TTC1: variants seen among roughly 807,000 people sequenced by gnomAD.
The protein encoded by TTC1 is tetratricopeptide repeat domain 1.
TTC1 carries 31 observed loss-of-function variants against 37.6 expected under a neutral mutation model. The ratio of observed to expected loss-of-function variants is 0.82; its 90% CI spans 0.62 to 1.11. TTC1 has a LOEUF of 1.11. TTC1 is among the 50% of genes most tolerant of loss of function. The probability of loss-of-function intolerance (pLI) is 0.00; values close to 1 mark genes in which losing one functional copy is unlikely to be tolerated. For missense variants in TTC1, 351 were observed against 339.0 expected, an observed-to-expected ratio of 1.04 and a Z score of -0.28; for synonymous variants, 127 against 122.4, an observed-to-expected ratio of 1.04 and a Z score of -0.25.
chr5:160,054,429 C>T (rs1213371973), intron 7 of TTC1, among the ~76,000 whole-genome samples: 1 of 152,156 alleles, frequency 6.6e-6, no homozygotes, highest in African/African-American at 2.4e-5. Context: ...GCCTGGGCAA[C>T]ATGGCAAGAC....
At chr5:160,048,584 A>C (rs968139911) in intron 5 of TTC1, among the ~76,000 whole-genome samples, 2 of 152,244 alleles carry the variant, frequency 1.3e-5, no homozygotes, top group Non-Finnish European at 2.9e-5. Context: ...GATATTATGC[A>C]TCAACCACCT....
At chr5:160,056,258 A>G (rs1420268742) in intron 7 of TTC1, among the ~76,000 whole-genome samples, 1 of 152,190 alleles carries the variant, frequency 6.6e-6, no homozygotes, top group African/African-American at 2.4e-5. Flanking sequence ...TCTGGCACAC[A>G]TGTGGGCCTT....
chr5:160,028,936 A>AGG (rs1756859293), intron 2 of TTC1, among the ~76,000 whole-genome samples: 3 of 152,364 alleles, frequency 2.0e-5, no homozygotes, highest in African/African-American at 7.2e-5. Context: ...GACCATAAAC[A>AGG]GAAACAAGTT....
chr5:160,045,518 ACACTCTCTCTCTCT>A (rs1757210258), intron 5 of TTC1, among the ~76,000 whole-genome samples: 14 of 65,724 alleles, frequency 2.1e-4, no homozygotes, highest in African/African-American at 1.1e-3. Context: ...ACACACATAC[ACACTCTCTCTCTCT>A]CTCTCTCTCT....
chr5:160,049,771 G>C, intron 6 of TTC1, 109 bp downstream of exon 6: 1 of 1,052,524 alleles, frequency 9.5e-7, no homozygotes, highest in Admixed American at 3.4e-5. Context: ...CTGTGCTTTT[G>C]AGGAGCTTAT....
intron 3 of TTC1, 43 bp downstream of exon 3, chr5:160,035,243 C>G: frequency 1.3e-6 from 2 of 1,509,940 alleles, no homozygotes; most frequent in Non-Finnish European, 1.8e-6. Context: ...ATCTTGACTC[C>G]TCATCCTGTT....
chr5:160,010,257 CAAAA>C (rs397882520), intron 1 of TTC1, among the ~76,000 whole-genome samples: 1 of 50,318 alleles, frequency 2.0e-5, no homozygotes, highest in Non-Finnish European at 3.9e-5. Context: ...GATTAAGTCT[CAAAA>C]AAAAAAAAAA....
intron 5 of TTC1, among the ~76,000 whole-genome samples, chr5:160,045,407 A>G (rs905313030): frequency 6.6e-6 from 1 of 151,066 alleles, no homozygotes; most frequent in Admixed American, 6.6e-5. Flanking sequence ...TTACATTTAT[A>G]TCAATATGGT....
Position 160,054,108 on chromosome 5 carries a change from C to G in TTC1, c.745+2925C>G, listed in dbSNP as rs116565761. Among the ~76,000 whole-genome samples, 702 of 152,160 alleles carry G rather than the reference C, an allele frequency of 4.6e-3. 8 individuals carry two copies. Among genetic ancestry groups the G allele is most frequent in the African/African-American group, 0.016 (666 of 41,500 alleles). ...GTTTGTTTGTTTGTTTGGTCCTTTTCTCTGGGATAATTAGCCTCCCAGCCA... is the reference window on the plus strand; with the variant it reads ...GTTTGTTTGTTTGTTTGGTCCTTTTGTCTGGGATAATTAGCCTCCCAGCCA... On this transcript the variant is annotated intron_variant, in intron 7 of 7. Transcript: ENST00000231238.
At chr5:160,052,831 TC>T (rs1757439614) in intron 7 of TTC1, among the ~76,000 whole-genome samples, 1 of 152,208 alleles carries the variant, frequency 6.6e-6, no homozygotes, top group Non-Finnish European at 1.5e-5. Flanking sequence ...GTCATTCTCT[TC>T]ATTTGAAAAA....
intron 7 of TTC1, among the ~76,000 whole-genome samples, chr5:160,056,264 G>C (rs1166908451): frequency 6.6e-6 from 1 of 152,172 alleles, no homozygotes; most frequent in Non-Finnish European, 1.5e-5. Flanking sequence ...ACACATGTGG[G>C]CCTTGTTCAT....
chr5:160,028,895 AAAGAT>A lies in TTC1; in HGVS notation c.331-6244_331-6240del, dbSNP rs539430490. 3.1e-3 allele frequency among the ~76,000 whole-genome samples: 468 copies of A among 152,342 alleles called. 1 individual carries two copies. The highest frequency in any genetic ancestry group is 0.01 in the African/African-American group (425 of 41,570). On this transcript the variant is annotated intron_variant, in intron 2 of 7. Transcript: ENST00000231238. ...TTTTTTTAATTTTCAAAAAATCAGA[AAAGAT>A]GAGAAAAAAACTAAGCCTTAAAATT...
chr5:160,042,615 TAA>T (rs1757119103), intron 4 of TTC1, among the ~76,000 whole-genome samples: 1 of 152,236 alleles, frequency 6.6e-6, no homozygotes, highest in South Asian at 2.1e-4. Flanking sequence ...ATATTTTGTT[TAA>T]GAGTTGTGTA....
chr5:160,048,716 T>C (rs1173828199), intron 5 of TTC1, among the ~76,000 whole-genome samples: 1 of 152,206 alleles, frequency 6.6e-6, no homozygotes, highest in Non-Finnish European at 1.5e-5. Context: ...TTGGTTTCCC[T>C]TAACTCTTTA....
At chr5:160,010,962 GC>G in intron 2 of TTC1, 104 bp downstream of exon 2, 1 of 1,137,612 alleles carries the variant, frequency 8.8e-7, no homozygotes, top group Non-Finnish European at 1.2e-6. Flanking sequence ...AGAATAACTT[GC>G]CCCTTTGTCT....
At chr5:160,030,533 G>A (rs1418794006) in intron 2 of TTC1, among the ~76,000 whole-genome samples, 6 of 152,304 alleles carry the variant, frequency 3.9e-5, no homozygotes, top group African/African-American at 9.6e-5. Context: ...GCAGTGAAGC[G>A]CTGTACTGGT....
intron 5 of TTC1, among the ~76,000 whole-genome samples, chr5:160,046,639 T>C (rs1757255250): frequency 6.6e-6 from 1 of 152,254 alleles, no homozygotes; most frequent in Non-Finnish European, 1.5e-5. Context: ...TTATATACCA[T>C]AAATATACAC....
chr5:160,059,754 TAATTA>T (rs1158909576), intron 7 of TTC1, among the ~76,000 whole-genome samples: 2 of 152,186 alleles, frequency 1.3e-5, no homozygotes, highest in Non-Finnish European at 2.9e-5. Context: ...CACCCCAAAA[TAATTA>T]AATAGTAACC....
chr5:160,048,406 C>T (rs923959247), intron 5 of TTC1, among the ~76,000 whole-genome samples: 5 of 152,006 alleles, frequency 3.3e-5, no homozygotes, highest in Non-Finnish European at 7.4e-5. Context: ...CTGCCTGCCT[C>T]GGCCTCCCAA....
Sources: gnomAD v4.1 joint callset for allele counts (sites outside exome capture counted in the v4.1 genomes callset) on GRCh38, gnomAD v4.1.1 for gene constraint, MANE v1.5 for transcripts, NCBI Gene and HGNC (gene_info 2026-07-23, HGNC 2026-07-21) for gene names.